The following MLH3 variants were observed in gnomAD, a reference collection of about 807,000 sequenced individuals.
MLH3 encodes the protein DNA mismatch repair protein Mlh3.
In MLH3, 82 loss-of-function variants were observed where a neutral mutation model predicts 122.2. The observed-to-expected ratio is 0.67, with a 90% CI of 0.56 to 0.81. The LOEUF (loss-of-function observed/expected upper bound fraction) is 0.81. Among genes scored for constraint, MLH3 ranks in the 30% least tolerant of loss-of-function variants. The probability of loss-of-function intolerance (pLI) is 0.00; values close to 1 mark genes in which losing one functional copy is unlikely to be tolerated. For synonymous variants in MLH3, 524 were observed against 599.5 expected, an observed-to-expected ratio of 0.87 and a Z score of 1.84; for missense variants, 1,539 against 1,714.5, an observed-to-expected ratio of 0.90 and a Z score of 1.81.
At chr14:75,029,957 G>A (rs146287196) in intron 9 of MLH3, among the ~76,000 whole-genome samples, 1 of 151,508 alleles carries the variant, frequency 6.6e-6, no homozygotes, top group East Asian at 1.9e-4. Context: ...GACCAGCCTG[G>A]GCAACATAGT....
At position 75,039,945 on chromosome 14, in the gene MLH3, T is replaced by C. The variant is rs1891720886; in HGVS notation, c.3536A>G (p.Tyr1179Cys). Residue 1179 changes from tyrosine to cysteine, a missense_variant, in exon 5 of 13, where the codon TAT (tyrosine) becomes TGT (cysteine). By Grantham distance (194) the Tyr-to-Cys change is radical. Transcript: ENST00000355774. ...AVKIHNILYP[Y>C]RFTKGMIHSM... ...ATGAATCATTCCTTTGGTGAAACGATAGGGATACAAGATGTTGTGAATTTT... is the reference window on the plus strand; with the variant it reads ...ATGAATCATTCCTTTGGTGAAACGACAGGGATACAAGATGTTGTGAATTTT... 1.3e-6 allele frequency: 2 copies of C among 1,587,608 alleles called. No individual in the cohort carries two copies. The highest frequency in any genetic ancestry group is 1.7e-6 in the Non-Finnish European group (2 of 1,162,990).
chr14:75,048,313 G>C lies in MLH3; in HGVS notation c.1343C>G (p.Pro448Arg). ...AFLYIYESGG[P>R]GHSKMTEPSL... ...TGGCTCTGTCATTTTGCTATGGCCT[G>C]GACCACCTGATTCATAAATGTACAA... is the stretch of plus-strand genomic sequence containing the variant. Residue 448 changes from proline to arginine, a missense_variant, in exon 2 of 13, where the codon CCA becomes CGA. Transcript: ENST00000355774. 6.2e-7 allele frequency: 1 copy of C among 1,613,994 alleles called. No individual in the cohort carries two copies.
Position 75,048,742 on chromosome 14 carries a change from A to G in MLH3, c.914T>C (p.Ile305Thr), listed in dbSNP as rs150796590. Residue 305 changes from isoleucine to threonine, a missense_variant, in exon 2 of 13, where the codon ATA becomes ACA. Coordinates refer to ENST00000355774, the MANE Select transcript of MLH3 (RefSeq NM_001040108.2). ...RHRSTPELYG[I>T]YVINVQCQFC... ...TTGGCACTGCACATTAATTACATATATGCCATAGAGTTCTGGGGTAGACCG... is the reference window on the plus strand; with the variant it reads ...TTGGCACTGCACATTAATTACATATGTGCCATAGAGTTCTGGGGTAGACCG... 28 of 1,614,038 alleles carry G rather than the reference A, an allele frequency of 1.7e-5. No individual in the cohort carries two copies. In the African/African-American group the frequency reaches 3.3e-4, roughly 19 times the overall value.
intron 11 of MLH3, among the ~76,000 whole-genome samples, chr14:75,022,204 A>G (rs1890325353): frequency 6.6e-6 from 1 of 152,190 alleles, no homozygotes; most frequent in African/African-American, 2.4e-5. Flanking sequence ...AGAACTACCT[A>G]TTGGGTACTA....
chr14:75,049,040 CT>C lies in MLH3; in HGVS notation c.615del (p.Asp206ThrfsTer18), dbSNP rs746171271. ...GSMVLQLPKTKDVCSRFCQIY... is the reference protein window; with the variant it reads ...GSMVLQLPKTXDVCSRFCQIY... ...ATTTGACAAAATCGGGAACATACGT[CT>C]TTGGTTTTAGGGAGCTGAAGAACCA... is the stretch of plus-strand genomic sequence containing the variant. On this transcript the variant is annotated frameshift_variant, in exon 2 of 13. Transcript: ENST00000355774. LOFTEE classifies it high-confidence loss of function. 6.2e-6 allele frequency: 10 copies of C among 1,614,114 alleles called. No homozygotes were observed. The East Asian group carries it at 2.0e-4, about 32-fold the overall frequency.
chr14:75,014,688 G>A lies in MLH3; in HGVS notation c.*2394C>T, dbSNP rs1889806538. 1 of 204,944 alleles carries A rather than the reference G, an allele frequency of 4.9e-6. No individual in the cohort carries two copies. The highest frequency in any genetic ancestry group is 1.0e-5 in the Non-Finnish European group (1 of 99,960). The allele number at this position is 204,944 out of a possible 1,614,324, so 12.7% of individuals were successfully genotyped here. A position where few individuals can be genotyped will look rare whatever the true frequency, so the allele number is the denominator to read the frequency against. ...TACAGAAAAAGGAACTCTCAAGAAT[G>A]GCTGCATTTTACATCTCATCTCTCA... On this transcript the variant is annotated 3_prime_UTR_variant, in exon 13 of 13. Transcript: ENST00000355774.
At position 75,046,357 on chromosome 14, in the gene MLH3, A is replaced by G. The variant is rs773682420; in HGVS notation, c.3280+19T>C. 35 of 1,613,496 alleles carry G rather than the reference A, an allele frequency of 2.2e-5. No homozygotes were observed. Among genetic ancestry groups the G allele is most frequent in the Non-Finnish European group, 2.9e-5 (34 of 1,179,500 alleles). On this transcript the variant is annotated intron_variant, in intron 2 of 12. Transcript: ENST00000355774. ...CCATCTTCAAAAGCATCTCATGCAC[A>G]TGAATACTACGTACTTACCATTCTC...
rs1287387988 is a variant in MLH3, at chr14:75,047,693, T to C, written c.1963A>G (p.Ile655Val). The change falls in exon 2 of 13, where the codon ATC becomes GTC. Residue 655 changes from isoleucine to valine, a missense_variant. By Grantham distance (29) the Ile-to-Val change is conservative. Transcript: ENST00000355774. ...RTRHSVETPD[I>V]KDLASTLSKE... ...CTTAAAGTGCTGGCTAAATCTTTGA[T>C]GTCTGGAGTTTCAACTGAATGACGT... The C allele has an allele frequency of 6.2e-7, 1 of 1,614,032 alleles. No individual in the cohort carries two copies. Among genetic ancestry groups the C allele is most frequent in the East Asian group, 2.2e-5 (1 of 44,892 alleles).
chr14:75,014,450 G>A lies in MLH3; in HGVS notation c.*2632C>T, dbSNP rs1889796010. ...ATACTAGCTCCTATTACCATCTCTA[G>A]TCTTAATTCTGATAGTGGGACTGCT... On this transcript the variant is annotated 3_prime_UTR_variant, in exon 13 of 13. Coordinates refer to ENST00000355774, the MANE Select transcript of MLH3 (RefSeq NM_001040108.2). The A allele has an allele frequency of 5.4e-6, 1 of 184,054 alleles. No individual in the cohort carries two copies. The highest frequency in any genetic ancestry group is 2.4e-5 in the African/African-American group (1 of 42,546). The allele number at this position is 184,054 out of a possible 1,614,324, so 11.4% of individuals were successfully genotyped here.
Position 75,049,591 on chromosome 14 carries a change from A to G in MLH3, c.65T>C (p.Leu22Ser), listed in dbSNP as rs1299756121. 24 of 1,614,082 alleles carry G rather than the reference A, an allele frequency of 1.5e-5. No individual in the cohort carries two copies. The Admixed American group carries it at 4.0e-4, about 27-fold the overall frequency. The stretch of plus-strand genomic sequence containing the variant: ...GGCAAGTTCCTCAACACATTGGCCC[A>G]AGGAGCTTATGGCCAAACCAGAACG... ...KLRSGLAISS[L>S]GQCVEELALN... Residue 22 changes from leucine (L) to serine (S), a missense_variant, in exon 2 of 13, where the codon TTG (leucine) becomes TCG (serine). Physicochemically the swap from Leu to Ser is moderately radical, Grantham distance 145 (BLOSUM62 -2). Transcript: ENST00000355774.
chr14:75,047,012 C>A lies in MLH3; in HGVS notation c.2644G>T (p.Gly882Cys), dbSNP rs372175165. Residue 882 changes from glycine to cysteine, a missense_variant, in exon 2 of 13, where the codon GGT becomes TGT. Transcript: ENST00000355774. ...ATTGTTTGAGTTTCTCTTTCGGAAC[C>A]CTTCAGTCTGGATAATTTAGAGGCT... Reference protein sequence around the residue: ...SLASKLSRLKGSERETQTMGM... With the variant: ...SLASKLSRLKCSERETQTMGM... 2 of 1,614,118 alleles carry A rather than the reference C, an allele frequency of 1.2e-6. No individual in the cohort carries two copies. The highest frequency in any genetic ancestry group is 4.5e-5 in the East Asian group (2 of 44,876).
At position 75,048,464 on chromosome 14, in the gene MLH3, A is replaced by T; in HGVS notation, c.1192T>A (p.Leu398Ile). The change falls in exon 2 of 13, where the codon TTA becomes ATA. Residue 398 changes from leucine to isoleucine, a missense_variant. Leu to Ile is a conservative substitution (Grantham distance 5). Transcript: ENST00000355774. ...SNFQEACNNI[L>I]DSYEMFNLQS... ...AAATTAAACATCTCATAGGAATCTA[A>T]AATATTATTACATGCTTCCTGGAAA... is the stretch of plus-strand genomic sequence containing the variant. The T allele has an allele frequency of 6.2e-7, 1 of 1,612,644 alleles. No individual in the cohort carries two copies. Among genetic ancestry groups the T allele is most frequent in the Non-Finnish European group, 8.5e-7 (1 of 1,179,650 alleles).
Position 75,046,863 on chromosome 14 carries a change from C to A in MLH3, c.2793G>T (p.Glu931Asp). The A allele has an allele frequency of 1.9e-6, 3 of 1,614,028 alleles. No individual in the cohort carries two copies. The highest frequency in any genetic ancestry group is 2.5e-6 in the Non-Finnish European group (3 of 1,180,010). The change falls in exon 2 of 13, where the codon GAG becomes GAT. Residue 931 changes from glutamate (E) to aspartate (D), a missense_variant. Coordinates refer to ENST00000355774, the MANE Select transcript of MLH3 (RefSeq NM_001040108.2). ...AATCTGATGTTGGGATGACACCATTCTCTGTTTTTTCATGCTTGTTGTTAA... is the reference window on the plus strand; with the variant it reads ...AATCTGATGTTGGGATGACACCATTATCTGTTTTTTCATGCTTGTTGTTAA... ...MLFNNKHEKT[E>D]NGVIPTSDSA... is the part of the protein sequence containing the mutation.
At position 75,032,143 on chromosome 14, in the gene MLH3, C is replaced by T. The variant is rs201721635; in HGVS notation, c.3752G>A (p.Arg1251Gln). 1.5e-4 allele frequency: 246 copies of T among 1,613,660 alleles called. No individual in the cohort carries two copies. The highest frequency in any genetic ancestry group is 1.9e-4 in the Non-Finnish European group (222 of 1,179,690). ...TAGAGTAGAAGACAGTAATTTTTTC[C>T]GACCAGAGCCTTGTGCCTGTTGCTT... The part of the protein sequence containing the change: ...YEKQQAQGSG[R>Q]KKLLSSTLIP... The change falls in exon 8 of 13, where the codon CGG (arginine) becomes CAG (glutamine). Residue 1251 changes from arginine to glutamine, a missense_variant. Transcript: ENST00000355774.
chr14:75,046,946 A>C lies in MLH3; in HGVS notation c.2710T>G (p.Ser904Ala), dbSNP rs1032244946. 1 of 1,614,138 alleles carries C rather than the reference A, an allele frequency of 6.2e-7. No homozygotes were observed. Among genetic ancestry groups the C allele is most frequent in the Non-Finnish European group, 8.5e-7 (1 of 1,180,022 alleles). The part of the protein sequence containing the change: ...SRFNELPNSD[S>A]SRKDSKLCSV... ...CACAACTTGCTGTCTTTCCTACTGG[A>C]ATCTGAATTTGGAAGTTCATTAAAA... Residue 904 changes from serine to alanine, a missense_variant, in exon 2 of 13, where the codon TCC becomes GCC. Coordinates refer to ENST00000355774, the MANE Select transcript of MLH3 (RefSeq NM_001040108.2).
chr14:75,023,114 T>C (rs1890400016), intron 9 of MLH3, 96 bp from the exon 10 acceptor site: 2 of 1,383,644 alleles, frequency 1.4e-6, no homozygotes, highest in African/African-American at 1.4e-5. Context: ...CTTTAAATCA[T>C]GCCTCCTGAA....
Position 75,032,057 on chromosome 14 carries a change from G to A in MLH3, c.3827+11C>T, listed in dbSNP as rs199602335. 1.6e-4 allele frequency: 227 copies of A among 1,426,040 alleles called. 1 individual carries two copies. Among genetic ancestry groups the A allele is most frequent in the Non-Finnish European group, 1.3e-5 (13 of 1,008,422 alleles). 88.3% of individuals were successfully genotyped at this position (1,426,040 alleles called of 1,614,324 possible). ...ATACCATCAACATCACATTCTCATG[G>A]TGGTACTGACCATAAGAGTCTCCTT... is the stretch of plus-strand genomic sequence containing the variant. On this transcript the variant is annotated intron_variant, in intron 8 of 12. Coordinates refer to ENST00000355774, the MANE Select transcript of MLH3 (RefSeq NM_001040108.2).
chr14:75,032,012 C>G, intron 8 of MLH3, 56 bp downstream of exon 8: 6 of 1,119,746 alleles, frequency 5.4e-6, no homozygotes, highest in Non-Finnish European at 8.2e-6. Context: ...TTATTCCTCA[C>G]AGAATTATTG....
chr14:75,023,489 C>CGTTT (rs1890426318), intron 9 of MLH3, among the ~76,000 whole-genome samples: 3 of 152,204 alleles, frequency 2.0e-5, no homozygotes, highest in African/African-American at 7.2e-5. Context: ...CATAAGTAAA[C>CGTTT]AGTCACTTTA....
Sources: gnomAD v4.1 joint callset for allele counts (sites outside exome capture counted in the v4.1 genomes callset) on GRCh38, gnomAD v4.1.1 for gene constraint, MANE v1.5 for transcripts, NCBI Gene and HGNC (gene_info 2026-07-23, HGNC 2026-07-21) for gene names.